The following GRID2 variants were observed in gnomAD, a reference collection of about 807,000 sequenced individuals.
The protein encoded by GRID2 is glutamate receptor ionotropic, delta-2.
A neutral mutation model predicts 114.8 loss-of-function variants in GRID2; 33 were observed. The ratio of observed to expected loss-of-function variants is 0.29; its 90% CI spans 0.22 to 0.38. GRID2 has a LOEUF of 0.38. Among genes scored for constraint, GRID2 ranks in the 10% least tolerant of loss-of-function variants. The pLI is 1.00. For synonymous variants in GRID2, 505 were observed against 449.9 expected (o/e 1.12, Z -1.55); for missense variants, 1,184 against 1,257.7 (o/e 0.94, Z 0.89).
chr4:92,645,147 A>G (rs961460457), intron 2 of GRID2, among the ~76,000 whole-genome samples: 3 of 151,650 alleles, frequency 2.0e-5, no homozygotes, highest in African/African-American at 4.8e-5. Flanking sequence ...TATAAAATAT[A>G]TATTAAATTT....
intron 12 of GRID2, among the ~76,000 whole-genome samples, chr4:93,503,391 T>G (rs909284148): frequency 2.0e-5 from 3 of 152,040 alleles, no homozygotes; most frequent in African/African-American, 4.8e-5. Flanking sequence ...TTGTTACATA[T>G]GTATACATGT....
At chr4:93,418,203 C>G (rs942289428) in intron 9 of GRID2, among the ~76,000 whole-genome samples, 3 of 151,664 alleles carry the variant, frequency 2.0e-5, no homozygotes, top group African/African-American at 7.3e-5. Flanking sequence ...TCTTTATATG[C>G]TTGACAGTAC....
intron 2 of GRID2, among the ~76,000 whole-genome samples, chr4:92,857,976 A>C (rs1243121658): frequency 6.6e-6 from 1 of 152,180 alleles, no homozygotes; most frequent in Non-Finnish European, 1.5e-5. Context: ...GTGTTCTATA[A>C]ATGGAACAAT....
At chr4:92,395,585 T>C (rs2110269220) in intron 1 of GRID2, among the ~76,000 whole-genome samples, 1 of 151,946 alleles carries the variant, frequency 6.6e-6, no homozygotes, top group Non-Finnish European at 1.5e-5. Context: ...CATTCTGGTC[T>C]ATAACGAGCT....
chr4:92,999,984 G>T (rs1202802262), intron 2 of GRID2, among the ~76,000 whole-genome samples: 1 of 151,412 alleles, frequency 6.6e-6, no homozygotes, highest in Admixed American at 6.6e-5. Context: ...GAATTCTAAA[G>T]AATAATAAAA....
intron 14 of GRID2, among the ~76,000 whole-genome samples, chr4:93,686,796 C>T (rs72873082): frequency 0.039 from 5,877 of 151,842 alleles, 373 homozygotes; most frequent in African/African-American, 0.13. Context: ...AAGGCCAGTG[C>T]ATTTTGAGTA....
chr4:93,266,134 G>A lies in GRID2; in HGVS notation c.1245+27644G>A, dbSNP rs118158694. On this transcript the variant is annotated intron_variant, in intron 8 of 15. Coordinates refer to ENST00000282020, the MANE Select transcript of GRID2 (RefSeq NM_001510.4). ...GTAATGTGCACATCTTTGGGATGTG[G>A]AAGGAAACGAATATTCAGAGAAAAC... Among the ~76,000 whole-genome samples, 49 of 152,206 alleles carry A rather than the reference G, an allele frequency of 3.2e-4. No homozygotes were observed. In the East Asian group the frequency reaches 7.2e-3, roughly 22 times the overall value.
intron 2 of GRID2, among the ~76,000 whole-genome samples, chr4:92,723,576 A>G (rs533521877): frequency 6.6e-6 from 1 of 152,164 alleles, no homozygotes; most frequent in Non-Finnish European, 1.5e-5. Flanking sequence ...TTAATATCTA[A>G]TCAATCTGTA....
intron 3 of GRID2, among the ~76,000 whole-genome samples, chr4:93,098,989 C>CTGTGTGTGTGTGTGTG (rs71579585): frequency 3.2e-4 from 45 of 138,982 alleles, no homozygotes; most frequent in Middle Eastern, 3.7e-3. Context: ...AGATCATTTC[C>CTGTGTGTGTGTGTGTG]TGTGTGTGTG....
At chr4:92,346,177 T>C (rs1727752333) in intron 1 of GRID2, among the ~76,000 whole-genome samples, 2 of 152,196 alleles carry the variant, frequency 1.3e-5, no homozygotes, top group African/African-American at 4.8e-5. Context: ...TATTGTGTTA[T>C]TGATTTAAAT....
At chr4:92,853,886 G>A (rs565593675) in intron 2 of GRID2, among the ~76,000 whole-genome samples, 6 of 151,542 alleles carry the variant, frequency 4.0e-5, no homozygotes, top group African/African-American at 9.7e-5. Context: ...ACTACACATC[G>A]GGTACCATGC....
intron 14 of GRID2, among the ~76,000 whole-genome samples, chr4:93,629,522 A>G (rs1743057795): frequency 6.6e-6 from 1 of 152,186 alleles, no homozygotes; most frequent in African/African-American, 2.4e-5. Flanking sequence ...GGAAAAAGAG[A>G]TCTTCCCTTT....
intron 2 of GRID2, among the ~76,000 whole-genome samples, chr4:92,836,858 T>C (rs1742496919): frequency 6.6e-6 from 1 of 152,066 alleles, no homozygotes; most frequent in African/African-American, 2.4e-5. Context: ...AATAATCTAA[T>C]AGGTGGGGGA....
intron 1 of GRID2, among the ~76,000 whole-genome samples, chr4:93,783,839 G>A (rs956090266): frequency 1.2e-4 from 18 of 151,870 alleles, no homozygotes; most frequent in African/African-American, 2.7e-4. Flanking sequence ...TTGGGAGGCC[G>A]AGGTGGGCGG....
In GRID2 at chr4:93,137,050, A is replaced by G. The variant is rs139430497; in HGVS notation, c.735+26097A>G. ...TGTAAGTACATATAGAGAAAACAAA[A>G]TATATAATTGTTTAAAATCTTGGAC... is the stretch of plus-strand genomic sequence containing the variant. On this transcript the variant is annotated intron_variant, in intron 4 of 15. Coordinates refer to ENST00000282020, the MANE Select transcript of GRID2 (RefSeq NM_001510.4). Among the ~76,000 whole-genome samples, 303 of 152,302 alleles carry G rather than the reference A, an allele frequency of 2.0e-3. 3 individuals are homozygous for G. The highest frequency in any genetic ancestry group is 7.1e-3 in the African/African-American group (295 of 41,576).
At chr4:92,697,143 T>G (rs536897209) in intron 2 of GRID2, among the ~76,000 whole-genome samples, 1 of 152,322 alleles carries the variant, frequency 6.6e-6, no homozygotes, top group South Asian at 2.1e-4. Flanking sequence ...TATTTTCAGC[T>G]TTGTCTTCCA....
intron 2 of GRID2, among the ~76,000 whole-genome samples, chr4:93,080,411 C>T (rs1351345505): frequency 6.6e-6 from 1 of 152,148 alleles, no homozygotes; most frequent in Non-Finnish European, 1.5e-5. Flanking sequence ...ATTAGATGTT[C>T]TGCAACAATT....
chr4:92,424,250 G>T (rs1271765410), intron 1 of GRID2, among the ~76,000 whole-genome samples: 2 of 152,066 alleles, frequency 1.3e-5, no homozygotes, highest in Non-Finnish European at 2.9e-5. Context: ...GCAAAGGAAA[G>T]AGTTATTCTT....
At chr4:93,049,747 A>G (rs1242920115) in intron 2 of GRID2, among the ~76,000 whole-genome samples, 2 of 152,036 alleles carry the variant, frequency 1.3e-5, no homozygotes, top group African/African-American at 4.8e-5. Flanking sequence ...TAATATAAAT[A>G]TATGTGATTA....
Sources: allele counts gnomAD v4.1 joint callset (sites outside exome capture counted in the v4.1 genomes callset), GRCh38; gene constraint gnomAD v4.1.1; transcripts MANE v1.5; gene names NCBI Gene and HGNC (gene_info 2026-07-23, HGNC 2026-07-21).